SLC67A2: variants seen among roughly 807,000 people sequenced by gnomAD.
SLC67A2 encodes solute carrier family 67 member 2.
the SLC67A2 span, among the ~76,000 whole-genome samples, chr2:102,719,820 G>C: frequency 6.6e-6 from 1 of 152,196 alleles, no homozygotes; most frequent in East Asian, 1.9e-4. Flanking sequence ...TTGACCGATG[G>C]GCAGGGACAG....
At chr2:102,735,507 G>T in the SLC67A2 span, among the ~76,000 whole-genome samples, 2 of 152,266 alleles carry the variant, frequency 1.3e-5, no homozygotes, top group East Asian at 3.9e-4. Context: ...CTATCTTCAA[G>T]GCCTCAAAGG....
At chr2:102,723,656 CAGT>C in the SLC67A2 span, 32 of 1,550,286 alleles carry the variant, frequency 2.1e-5, no homozygotes, top group African/African-American at 2.4e-4. Context: ...GTAAATTGGT[CAGT>C]ATGAATACAC....
the SLC67A2 span, chr2:102,723,727 A>C: frequency 4.3e-6 from 7 of 1,614,236 alleles, no homozygotes. Context: ...ACCAAAAAGC[A>C]GATGAAGGCT....
At chr2:102,726,966 C>G in the SLC67A2 span, 1 of 1,613,474 alleles carries the variant, frequency 6.2e-7, no homozygotes, top group Non-Finnish European at 8.5e-7. Context: ...CTACATCGCT[C>G]CAGCAGCCCT....
At chr2:102,734,690 T>G in the SLC67A2 span, among the ~76,000 whole-genome samples, 1 of 152,200 alleles carries the variant, frequency 6.6e-6, no homozygotes, top group Non-Finnish European at 1.5e-5. Context: ...CTTTCAACTT[T>G]TGGGAAACCA....
the SLC67A2 span, among the ~76,000 whole-genome samples, chr2:102,714,985 C>A: frequency 6.6e-6 from 1 of 152,174 alleles, no homozygotes; most frequent in Non-Finnish European, 1.5e-5. Context: ...AGACGCCAAG[C>A]AACCCTTTGA....
chr2:102,732,395 G>A, the SLC67A2 span: 1 of 1,611,372 alleles, frequency 6.2e-7, no homozygotes, highest in South Asian at 1.1e-5. Flanking sequence ...CAACCATGCT[G>A]ACACCAAACA....
At chr2:102,721,883 T>A in the SLC67A2 span, among the ~76,000 whole-genome samples, 10 of 151,984 alleles carry the variant, frequency 6.6e-5, no homozygotes, top group South Asian at 2.1e-4. Context: ...TAAAAAAAAA[T>A]TTTTTGTAGA....
At chr2:102,724,051 C>T in the SLC67A2 span, 6 of 681,844 alleles carry the variant, frequency 8.8e-6, no homozygotes, top group Middle Eastern at 4.1e-4. Context: ...CACTATACCA[C>T]CACGGCATCT....
the SLC67A2 span, among the ~76,000 whole-genome samples, chr2:102,731,871 T>C: frequency 1.3e-5 from 2 of 152,228 alleles, no homozygotes; most frequent in African/African-American, 4.8e-5. Context: ...ACAATATCTA[T>C]GATGTGTTGG....
At chr2:102,719,218 G>A in the SLC67A2 span, 97 of 1,605,290 alleles carry the variant, frequency 6.0e-5, no homozygotes, top group Non-Finnish European at 8.2e-5. Flanking sequence ...CTGTTAAAAT[G>A]GCATGAGACC....
chr2:102,718,551 C>A, the SLC67A2 span: 3 of 1,612,674 alleles, frequency 1.9e-6, no homozygotes, highest in South Asian at 1.1e-5. Context: ...TCCTGGGCAA[C>A]CCCCGAGAGG....
chr2:102,723,669 C>T, the SLC67A2 span: 2 of 1,602,316 alleles, frequency 1.2e-6, no homozygotes, highest in Admixed American at 1.7e-5. Flanking sequence ...TATGAATACA[C>T]AAAACAATCT....
At chr2:102,736,629 C>A in the SLC67A2 span, 1 of 1,613,888 alleles carries the variant, frequency 6.2e-7, no homozygotes, top group Admixed American at 1.7e-5. Context: ...GCTCCCAGCC[C>A]CCACGCTCGC....
chr2:102,714,699 G>A, the SLC67A2 span, among the ~76,000 whole-genome samples: 1 of 152,018 alleles, frequency 6.6e-6, no homozygotes, highest in Admixed American at 6.5e-5. Flanking sequence ...AAAAACATTA[G>A]AGCTGAAAAA....
the SLC67A2 span, chr2:102,723,759 A>T: frequency 7.4e-6 from 12 of 1,614,060 alleles, no homozygotes; most frequent in South Asian, 1.2e-4. Context: ...CCCATCCTCT[A>T]ATTCAGTGAG....
the SLC67A2 span, chr2:102,718,875 G>C: frequency 1.2e-6 from 2 of 1,614,002 alleles, no homozygotes; most frequent in African/African-American, 2.7e-5. Flanking sequence ...TAACTGATGA[G>C]GTAGCCTGTC....
At chr2:102,726,945 C>T in the SLC67A2 span, 4 of 1,613,450 alleles carry the variant, frequency 2.5e-6, no homozygotes, top group Non-Finnish European at 3.4e-6. Flanking sequence ...GCAAGGAAGA[C>T]CGTCTTCCCA....
At chr2:102,732,357 G>C in the SLC67A2 span, 2 of 1,613,698 alleles carry the variant, frequency 1.2e-6, no homozygotes, top group Non-Finnish European at 1.7e-6. Context: ...TGCTCCAAGG[G>C]ACTTGACATG....
Sources: allele counts gnomAD v4.1 joint callset (sites outside exome capture counted in the v4.1 genomes callset), GRCh38; gene constraint gnomAD v4.1.1; transcripts MANE v1.5; gene names NCBI Gene and HGNC (gene_info 2026-07-23, HGNC 2026-07-21).